ADAMTS19: variants seen among roughly 807,000 people sequenced by gnomAD.
ADAMTS19 encodes the protein A disintegrin and metalloproteinase with thrombospondin motifs 19.
A neutral mutation model predicts 153.3 loss-of-function variants in ADAMTS19; 93 were observed. That is an observed-to-expected ratio of 0.61 (90% confidence interval 0.51 to 0.72). ADAMTS19 has a LOEUF of 0.72. Among genes scored for constraint, ADAMTS19 ranks in the 30% least tolerant of loss-of-function variants. The probability of loss-of-function intolerance (pLI) is 0.00; values close to 1 mark genes in which losing one functional copy is unlikely to be tolerated. For missense variants in ADAMTS19, 1,482 were observed against 1,552.1 expected (o/e 0.95, Z 0.76); for synonymous variants, 600 against 556.6 (o/e 1.08, Z -1.10).
At chr5:129,635,986 T>A (rs1341911503) in intron 10 of ADAMTS19, among the ~76,000 whole-genome samples, 1 of 152,156 alleles carries the variant, frequency 6.6e-6, no homozygotes, top group Non-Finnish European at 1.5e-5. Flanking sequence ...AACCTCCAGC[T>A]CCCAGGTTCA....
chr5:129,607,955 A>G (rs1750986450), intron 8 of ADAMTS19, among the ~76,000 whole-genome samples: 1 of 146,540 alleles, frequency 6.8e-6, no homozygotes. Flanking sequence ...GCATATATAT[A>G]TACACACACA....
At chr5:129,522,301 A>G (rs72667103) in intron 3 of ADAMTS19, among the ~76,000 whole-genome samples, 6,126 of 90,252 alleles carry the variant, frequency 0.068, 189 homozygotes, top group East Asian at 0.22. Context: ...GTGTGTGTGT[A>G]TATATATATA....
At chr5:129,612,711 G>A (rs974078156) in intron 8 of ADAMTS19, among the ~76,000 whole-genome samples, 5 of 152,044 alleles carry the variant, frequency 3.3e-5, no homozygotes, top group Non-Finnish European at 4.4e-5. Flanking sequence ...ATGTAAATGG[G>A]CTAAATGCTC....
At chr5:129,569,468 G>A (rs900897395) in intron 7 of ADAMTS19, among the ~76,000 whole-genome samples, 3 of 151,930 alleles carry the variant, frequency 2.0e-5, no homozygotes, top group East Asian at 1.9e-4. Flanking sequence ...GAAAACCACC[G>A]CTAGCTAACC....
At chr5:129,561,585 G>T (rs1753520446) in intron 7 of ADAMTS19, among the ~76,000 whole-genome samples, 1 of 151,666 alleles carries the variant, frequency 6.6e-6, no homozygotes. Flanking sequence ...ATTATTGTGC[G>T]TTTTCTAAAA....
At chr5:129,645,769 G>A in intron 11 of ADAMTS19, among the ~76,000 whole-genome samples, 1 of 151,710 alleles carries the variant, frequency 6.6e-6, no homozygotes, top group Admixed American at 6.6e-5. Flanking sequence ...GTGACCAATT[G>A]AAGTTTGACA....
intron 16 of ADAMTS19, among the ~76,000 whole-genome samples, chr5:129,674,331 CTT>C (rs1366730535): frequency 3.0e-4 from 46 of 151,972 alleles, no homozygotes; most frequent in African/African-American, 1.1e-3. Flanking sequence ...TTTTAAAGCT[CTT>C]TGAATACTGT....
chr5:129,738,303 A>C lies in ADAMTS19; in HGVS notation c.*1085A>C, dbSNP rs529119558. The C allele has an allele frequency of 5.3e-5, 8 of 152,200 alleles. No individual in the cohort carries two copies. The South Asian group carries it at 6.2e-4, about 12-fold the overall frequency. 9.4% of individuals were successfully genotyped at this position (152,200 alleles called of 1,614,324 possible). ...TTATACATGATTCACATGATTTCTTAGATTTTTCAATAAAATATGTAAAAC... is the reference window on the plus strand; with the variant it reads ...TTATACATGATTCACATGATTTCTTCGATTTTTCAATAAAATATGTAAAAC... On this transcript the variant is annotated 3_prime_UTR_variant, in exon 23 of 23. Coordinates refer to ENST00000274487, the MANE Select transcript of ADAMTS19 (RefSeq NM_133638.6).
intron 18 of ADAMTS19, among the ~76,000 whole-genome samples, chr5:129,692,595 G>A (rs947452541): frequency 6.6e-6 from 1 of 152,194 alleles, no homozygotes; most frequent in Non-Finnish European, 1.5e-5. Context: ...CTCAGAGGGT[G>A]TAGTTTCCAC....
intron 3 of ADAMTS19, among the ~76,000 whole-genome samples, chr5:129,516,372 T>G (rs1339220765): frequency 6.6e-6 from 1 of 151,568 alleles, no homozygotes; most frequent in East Asian, 1.9e-4. Flanking sequence ...TTGACTAGGA[T>G]GGGTATTAGT....
In ADAMTS19 at chr5:129,537,708, T is replaced by C. The variant is rs1260937244; in HGVS notation, c.1328+9031T>C. Reference sequence around the variant, plus strand: ...ACCAAACACCGCATGTTCTCACTCATAGGTGGGAATTGAACAATGAGAACA... The same window carrying C: ...ACCAAACACCGCATGTTCTCACTCACAGGTGGGAATTGAACAATGAGAACA... On this transcript the variant is annotated intron_variant, in intron 6 of 22. Transcript: ENST00000274487. Among the ~76,000 whole-genome samples, 13 of 151,056 alleles carry C rather than the reference T, an allele frequency of 8.6e-5. No homozygotes were observed. In the East Asian group the frequency reaches 2.5e-3, roughly 30 times the overall value.
intron 2 of ADAMTS19, among the ~76,000 whole-genome samples, chr5:129,500,889 TAAA>T (rs1751079641): frequency 6.6e-6 from 1 of 152,082 alleles, no homozygotes; most frequent in African/African-American, 2.4e-5. Context: ...ATTTGGCAAT[TAAA>T]AAACACACAA....
chr5:129,549,208 TA>T (rs1005686580), intron 6 of ADAMTS19, among the ~76,000 whole-genome samples: 1 of 145,154 alleles, frequency 6.9e-6, no homozygotes, highest in South Asian at 2.2e-4. Context: ...ATAAATAAAA[TA>T]AAAAAAGAAA....
intron 2 of ADAMTS19, among the ~76,000 whole-genome samples, chr5:129,483,551 A>G (rs1750488271): frequency 6.6e-6 from 1 of 152,048 alleles, no homozygotes; most frequent in South Asian, 2.1e-4. Context: ...TCTCCCTGGT[A>G]TGTGTGTGTG....
At chr5:129,718,992 C>T (rs1472932619) in intron 21 of ADAMTS19, among the ~76,000 whole-genome samples, 1 of 152,118 alleles carries the variant, frequency 6.6e-6, no homozygotes, top group Non-Finnish European at 1.5e-5. Context: ...ATATCTTTGG[C>T]ATAGTCTAGA....
intron 8 of ADAMTS19, 32 bp downstream of exon 8, chr5:129,596,696 T>C: frequency 6.8e-7 from 1 of 1,465,124 alleles, no homozygotes; most frequent in Non-Finnish European, 9.5e-7. Context: ...GTTAAATATG[T>C]TAGCATATAA....
intron 6 of ADAMTS19, among the ~76,000 whole-genome samples, chr5:129,537,477 G>T (rs1412170904): frequency 6.6e-6 from 1 of 152,080 alleles, no homozygotes; most frequent in Admixed American, 6.6e-5. Context: ...ACATGCACAC[G>T]TATGTTTATT....
intron 2 of ADAMTS19, among the ~76,000 whole-genome samples, chr5:129,471,953 T>C (rs1032470408): frequency 6.6e-6 from 1 of 152,218 alleles, no homozygotes; most frequent in African/African-American, 2.4e-5. Context: ...CAGTCTACCA[T>C]TGATGGAAAG....
intron 7 of ADAMTS19, among the ~76,000 whole-genome samples, chr5:129,595,736 G>A (rs6893455): frequency 0.84 from 126,853 of 151,824 alleles, 53,239 homozygotes; most frequent in Non-Finnish European, 0.88. Context: ...AGAACATATA[G>A]TGGATCAAAA....
Sources: gnomAD v4.1 joint callset for allele counts (sites outside exome capture counted in the v4.1 genomes callset) on GRCh38, gnomAD v4.1.1 for gene constraint, MANE v1.5 for transcripts, NCBI Gene and HGNC (gene_info 2026-07-23, HGNC 2026-07-21) for gene names.